The following DEFB104B variants were observed in gnomAD, a reference collection of about 807,000 sequenced individuals.
DEFB104B encodes the protein defensin beta 104B.
intron 1 of DEFB104B, among the ~76,000 whole-genome samples, chr8:7,472,836 GTT>G (rs372274885): frequency 7.7e-5 from 10 of 130,488 alleles, no homozygotes; most frequent in Admixed American, 2.3e-4. Flanking sequence ...GATTTGCTTT[GTT>G]TTTTTTGTTT....
At chr8:7,474,677 A>G (rs1267385442) in intron 1 of DEFB104B, among the ~76,000 whole-genome samples, 1 of 141,238 alleles carries the variant, frequency 7.1e-6, no homozygotes, top group Non-Finnish European at 1.6e-5. Context: ...CTGCCCTGCA[A>G]TGGAACAAGC....
chr8:7,472,837 T>G lies in DEFB104B; in HGVS notation c.58+2174A>C, dbSNP rs934789365. The stretch of plus-strand genomic sequence containing the variant: ...ATCAATACGTGTAAGATTTGCTTTG[T>G]TTTTTTTGTTTGTTTGTTTGTTTGT... On this transcript the variant is annotated intron_variant, in intron 1 of 1. Transcript: ENST00000316169. Among the ~76,000 whole-genome samples, 5 of 98,620 alleles carry G rather than the reference T, an allele frequency of 5.1e-5. 1 individual carries two copies. The highest frequency in any genetic ancestry group is 1.0e-4 in the Non-Finnish European group (5 of 47,866). The allele number at this position is 98,620 out of a possible 152,430, so 64.7% of individuals were successfully genotyped here.
chr8:7,473,934 T>C (rs1811040879), intron 1 of DEFB104B, among the ~76,000 whole-genome samples: 1 of 140,620 alleles, frequency 7.1e-6, no homozygotes, highest in South Asian at 2.3e-4. Flanking sequence ...GGATCAAAGG[T>C]TGAAGAAAAC....
intron 1 of DEFB104B, among the ~76,000 whole-genome samples, chr8:7,471,058 G>A: frequency 6.6e-6 from 1 of 151,986 alleles, no homozygotes; most frequent in Non-Finnish European, 1.5e-5. Flanking sequence ...ATCTTTCTCT[G>A]TCCTCTTCGT....
chr8:7,472,041 G>A (rs1474074239), intron 1 of DEFB104B, among the ~76,000 whole-genome samples: 1 of 151,374 alleles, frequency 6.6e-6, no homozygotes, highest in African/African-American at 2.5e-5. Context: ...TATTTGGAAT[G>A]GCCCCACAGC....
chr8:7,474,183 G>C (rs1268978203), intron 1 of DEFB104B, among the ~76,000 whole-genome samples: 1 of 143,118 alleles, frequency 7.0e-6, no homozygotes, highest in African/African-American at 2.6e-5. Context: ...TGACTGAGCA[G>C]CTTGGAAGAG....
At chr8:7,471,171 T>C (rs1443739949) in intron 1 of DEFB104B, among the ~76,000 whole-genome samples, 1 of 148,064 alleles carries the variant, frequency 6.8e-6, no homozygotes, top group African/African-American at 2.5e-5. Flanking sequence ...TATATAGGTA[T>C]ATATATATAC....
chr8:7,471,911 G>C (rs1478769678), intron 1 of DEFB104B, among the ~76,000 whole-genome samples: 3 of 148,108 alleles, frequency 2.0e-5, no homozygotes, highest in Admixed American at 6.7e-5. Context: ...ATTTGTTCTG[G>C]TAAAGAGAAG....
At chr8:7,472,044 C>T (rs1359563385) in intron 1 of DEFB104B, among the ~76,000 whole-genome samples, 7 of 151,270 alleles carry the variant, frequency 4.6e-5, no homozygotes, top group Non-Finnish European at 7.3e-5. Context: ...TTGGAATGGC[C>T]CCACAGCGGG....
rs1195281213 is a variant in DEFB104B at position 7,472,842 on chromosome 8, TTTG to T, written c.58+2166_58+2168del. 1.3e-4 allele frequency among the ~76,000 whole-genome samples: 18 copies of T among 134,824 alleles called. 1 individual carries two copies. Among genetic ancestry groups the T allele is most frequent in the African/African-American group, 3.9e-4 (13 of 33,028 alleles). The allele number at this position is 134,824 out of a possible 152,430, so 88.4% of individuals were successfully genotyped here. A position where few individuals can be genotyped will look rare whatever the true frequency, so the allele number is the denominator to read the frequency against. ...TACGTGTAAGATTTGCTTTGTTTTT[TTTG>T]TTTGTTTGTTTGTTTGTTTGGTTTT... On this transcript the variant is annotated intron_variant, in intron 1 of 1. Transcript: ENST00000316169.
At chr8:7,472,806 A>G (rs1332673107) in intron 1 of DEFB104B, among the ~76,000 whole-genome samples, 5 of 135,692 alleles carry the variant, frequency 3.7e-5, no homozygotes, top group Non-Finnish European at 6.2e-5. Flanking sequence ...GAGACATAAT[A>G]CATCAATCAA....
intron 1 of DEFB104B, among the ~76,000 whole-genome samples, chr8:7,472,025 G>T (rs1173250077): frequency 6.6e-6 from 1 of 151,456 alleles, no homozygotes. Flanking sequence ...ATATTGAAGG[G>T]GTTAATATTT....
chr8:7,470,890 C>G (rs1454603661), intron 1 of DEFB104B, among the ~76,000 whole-genome samples: 1 of 131,118 alleles, frequency 7.6e-6, no homozygotes, highest in African/African-American at 2.9e-5. Context: ...GTCCATGAAA[C>G]TCTCGCCGGC....
chr8:7,473,654 GC>G (rs1381294689), intron 1 of DEFB104B, among the ~76,000 whole-genome samples: 2 of 98,590 alleles, frequency 2.0e-5, no homozygotes, highest in Non-Finnish European at 4.7e-5. Context: ...TATCTGAGGG[GC>G]TGACAGTGTG....
chr8:7,471,375 T>A (rs1810938493), intron 1 of DEFB104B, among the ~76,000 whole-genome samples: 2 of 95,832 alleles, frequency 2.1e-5, no homozygotes, highest in Non-Finnish European at 4.2e-5. Context: ...GGTGAGTAAA[T>A]GATTGGATAG....
At chr8:7,471,140 G>A (rs1241290114) in intron 1 of DEFB104B, among the ~76,000 whole-genome samples, 2 of 151,786 alleles carry the variant, frequency 1.3e-5, no homozygotes, top group African/African-American at 4.9e-5. Flanking sequence ...ATCGCAAGTT[G>A]TAGTTATATA....
chr8:7,471,913 A>T (rs1451434441), intron 1 of DEFB104B, among the ~76,000 whole-genome samples: 1 of 148,374 alleles, frequency 6.7e-6, no homozygotes, highest in African/African-American at 2.6e-5. Flanking sequence ...TTGTTCTGGT[A>T]AAGAGAAGCC....
chr8:7,471,871 T>TA, intron 1 of DEFB104B, among the ~76,000 whole-genome samples: 1 of 136,066 alleles, frequency 7.3e-6, no homozygotes, highest in African/African-American at 3.1e-5. Context: ...AACGGGCTGC[T>TA]AATCCTCGCA....
In DEFB104B at chr8:7,472,841, T is replaced by G. The variant is rs1420439580; in HGVS notation, c.58+2170A>C. 6.7e-5 allele frequency among the ~76,000 whole-genome samples: 9 copies of G among 135,156 alleles called. 1 individual carries two copies. Among genetic ancestry groups the G allele is most frequent in the African/African-American group, 2.4e-4 (8 of 33,054 alleles). 88.7% of individuals were successfully genotyped at this position (135,156 alleles called of 152,430 possible). ...ATACGTGTAAGATTTGCTTTGTTTT[T>G]TTTGTTTGTTTGTTTGTTTGTTTGG... On this transcript the variant is annotated intron_variant, in intron 1 of 1. Coordinates refer to ENST00000316169, the MANE Select transcript of DEFB104B (RefSeq NM_001040702.1).
Sources: allele counts gnomAD v4.1 joint callset (sites outside exome capture counted in the v4.1 genomes callset), GRCh38; gene constraint gnomAD v4.1.1; transcripts MANE v1.5; gene names NCBI Gene and HGNC (gene_info 2026-07-23, HGNC 2026-07-21).